GABRB1: variants seen among roughly 807,000 people sequenced by gnomAD.
GABRB1 encodes the protein gamma-aminobutyric acid type A receptor subunit beta1, also known as gamma-aminobutyric acid receptor subunit beta-1.
In GABRB1, 17 loss-of-function variants were observed where a neutral mutation model predicts 51.6. That is an observed-to-expected ratio of 0.33 (90% CI 0.23 to 0.49). The LOEUF is 0.49. Among genes scored for constraint, GABRB1 ranks in the 20% least tolerant of loss-of-function variants. GABRB1 has a pLI of 0.99. For missense variants in GABRB1, 410 were observed against 600.6 expected (o/e 0.68, Z 3.32); for synonymous variants, 247 against 218.9 (o/e 1.13, Z -1.14).
intron 5 of GABRB1, among the ~76,000 whole-genome samples, chr4:47,373,494 C>T (rs531872007): frequency 6.6e-6 from 1 of 152,328 alleles, no homozygotes; most frequent in African/African-American, 2.4e-5. Context: ...AAGAGCAATA[C>T]ATCTGTATAC....
chr4:47,311,704 A>T (rs185504884), intron 4 of GABRB1, among the ~76,000 whole-genome samples: 1 of 152,312 alleles, frequency 6.6e-6, no homozygotes, highest in Admixed American at 6.5e-5. Flanking sequence ...TTAAGCCACT[A>T]AGCTTGTGGT....
rs184072690 is a variant in GABRB1, at chr4:47,025,880, C to G, written c.-19-6034C>G. On this transcript the variant is annotated intron_variant, in intron 1 of 3. Coordinates refer to the GABRB1 transcript ENST00000513567. ...TGTTCAATTCTGCCTTTACTACTTC[C>G]GTTTTTTTTGTAATGCCATCAACTT... Among the ~76,000 whole-genome samples the G allele has an allele frequency of 1.2e-4, 18 of 152,060 alleles. 1 individual carries two copies. Among genetic ancestry groups the G allele is most frequent in the Admixed American group, 1.2e-3 (18 of 15,238 alleles).
chr4:47,029,838 C>T (rs186084285), upstream of GABRB1, among the ~76,000 whole-genome samples: 4 of 152,090 alleles, frequency 2.6e-5, no homozygotes, highest in Non-Finnish European at 5.9e-5. Context: ...TTTCTGTGCT[C>T]TCTATTTGCT....
chr4:47,185,099 A>G (rs1719118478), intron 4 of GABRB1, among the ~76,000 whole-genome samples: 1 of 151,850 alleles, frequency 6.6e-6, no homozygotes. Flanking sequence ...TGCCTCAAAG[A>G]ATGTTCTGCT....
chr4:47,006,541 T>A (rs1170185630), intron 1 of GABRB1, among the ~76,000 whole-genome samples: 2 of 152,202 alleles, frequency 1.3e-5, no homozygotes, highest in African/African-American at 4.8e-5. Flanking sequence ...CATTTTATTA[T>A]AGTGACTTGA....
At chr4:47,267,031 A>G (rs777677430) in intron 4 of GABRB1, among the ~76,000 whole-genome samples, 4 of 152,168 alleles carry the variant, frequency 2.6e-5, no homozygotes, top group Non-Finnish European at 4.4e-5. Context: ...CAACAAGAAG[A>G]TACGACAATT....
intron 3 of GABRB1, among the ~76,000 whole-genome samples, chr4:47,119,996 A>G (rs760960176): frequency 5.9e-5 from 9 of 152,238 alleles, no homozygotes; most frequent in Admixed American, 1.3e-4. Flanking sequence ...CAACATTATT[A>G]AACACCCATG....
At chr4:47,205,374 T>C (rs73247668) in intron 4 of GABRB1, among the ~76,000 whole-genome samples, 236 of 152,332 alleles carry the variant, frequency 1.5e-3, no homozygotes, top group Middle Eastern at 3.4e-3. Flanking sequence ...ATTTGGTTTA[T>C]GTCAATTAAT....
chr4:47,014,290 CT>C (rs1450645562), intron 1 of GABRB1, among the ~76,000 whole-genome samples: 1 of 152,140 alleles, frequency 6.6e-6, no homozygotes, highest in Admixed American at 6.5e-5. Flanking sequence ...TTCCACTTTG[CT>C]TTCTACAAAC....
chr4:47,320,258 C>A, intron 5 of GABRB1, 49 bp downstream of exon 5: 1 of 1,175,838 alleles, frequency 8.5e-7, no homozygotes, highest in Non-Finnish European at 1.3e-6. Context: ...TTCCTTGACC[C>A]AGTTGAATTC....
intron 1 of GABRB1, among the ~76,000 whole-genome samples, chr4:47,014,673 A>T (rs1724692515): frequency 6.6e-6 from 1 of 152,180 alleles, no homozygotes; most frequent in Non-Finnish European, 1.5e-5. Context: ...TTCCTCCTTT[A>T]TTAATGTCCA....
chr4:47,150,544 A>G (rs976365899), intron 3 of GABRB1, among the ~76,000 whole-genome samples: 8 of 151,816 alleles, frequency 5.3e-5, no homozygotes, highest in African/African-American at 1.9e-4. Context: ...TTATATTTCT[A>G]CTCATTTAAT....
At chr4:47,352,999 T>C (rs1054918692) in intron 5 of GABRB1, among the ~76,000 whole-genome samples, 4 of 152,166 alleles carry the variant, frequency 2.6e-5, no homozygotes, top group Admixed American at 6.5e-5. Context: ...TTCCACATGG[T>C]TGGGGAGACC....
At chr4:47,159,244 T>A (rs896471477) in intron 3 of GABRB1, among the ~76,000 whole-genome samples, 6 of 151,882 alleles carry the variant, frequency 4.0e-5, no homozygotes, top group African/African-American at 1.5e-4. Flanking sequence ...ATGGCACCAC[T>A]GCACTCCAGC....
At chr4:47,071,354 C>T (rs1480739470) in intron 3 of GABRB1, among the ~76,000 whole-genome samples, 1 of 152,172 alleles carries the variant, frequency 6.6e-6, no homozygotes, top group Non-Finnish European at 1.5e-5. Context: ...TTTGCTCCCA[C>T]ATGTCAATGA....
chr4:47,054,678 A>G (rs970176632), intron 3 of GABRB1, among the ~76,000 whole-genome samples: 2 of 151,552 alleles, frequency 1.3e-5, no homozygotes, highest in African/African-American at 2.4e-5. Flanking sequence ...ACCTCCCCAC[A>G]TTCAAGCAAT....
chr4:47,182,310 G>C (rs1472414316), intron 4 of GABRB1, among the ~76,000 whole-genome samples: 1 of 151,936 alleles, frequency 6.6e-6, no homozygotes, highest in African/African-American at 2.4e-5. Flanking sequence ...AGGATAATAT[G>C]ATGCAGTAGA....
intron 1 of GABRB1, among the ~76,000 whole-genome samples, chr4:47,007,367 A>G (rs1411989226): frequency 6.6e-6 from 1 of 152,184 alleles, no homozygotes; most frequent in Non-Finnish European, 1.5e-5. Context: ...AATAGCTTAA[A>G]AAACTAAAGA....
At chr4:47,199,227 A>G (rs1002593662) in intron 4 of GABRB1, among the ~76,000 whole-genome samples, 2 of 152,142 alleles carry the variant, frequency 1.3e-5, no homozygotes, top group Non-Finnish European at 2.9e-5. Context: ...AAAATTCTTA[A>G]CTTACTCAAA....
Sources: allele counts gnomAD v4.1 joint callset (sites outside exome capture counted in the v4.1 genomes callset), GRCh38; gene constraint gnomAD v4.1.1; transcripts MANE v1.5; gene names NCBI Gene and HGNC (gene_info 2026-07-23, HGNC 2026-07-21).